RAVER2: variants seen among roughly 807,000 people sequenced by gnomAD.
The protein encoded by RAVER2 is ribonucleoprotein PTB-binding 2.
Under a neutral mutation model 78.1 loss-of-function variants are expected in RAVER2, and 46 were observed. The observed-to-expected ratio is 0.59, with a 90% CI of 0.46 to 0.75. The LOEUF (loss-of-function observed/expected upper bound fraction) is 0.75. RAVER2 is among the 30% of genes least tolerant of loss of function. RAVER2 has a pLI of 0.00. For synonymous variants in RAVER2, 311 were observed against 313.3 expected, an observed-to-expected ratio of 0.99 and a Z score of 0.08; for missense variants, 793 against 837.5, an observed-to-expected ratio of 0.95 and a Z score of 0.66.
At chr1:64,757,333 T>C (rs557174440) in intron 1 of RAVER2, among the ~76,000 whole-genome samples, 4 of 152,216 alleles carry the variant, frequency 2.6e-5, no homozygotes, top group African/African-American at 9.6e-5. Flanking sequence ...GTTACTATAT[T>C]TGGAGATGGG....
intron 5 of RAVER2, among the ~76,000 whole-genome samples, chr1:64,799,531 C>A (rs1435953061): frequency 6.6e-6 from 1 of 152,184 alleles, no homozygotes; most frequent in Non-Finnish European, 1.5e-5. Flanking sequence ...CAACCTCTGC[C>A]TCCTGAGTTC....
At chr1:64,748,147 A>G (rs932567734) in intron 1 of RAVER2, among the ~76,000 whole-genome samples, 2 of 151,966 alleles carry the variant, frequency 1.3e-5, no homozygotes, top group Non-Finnish European at 2.9e-5. Context: ...TACCGGCTCT[A>G]AAAAAAAGTG....
intron 11 of RAVER2, among the ~76,000 whole-genome samples, chr1:64,818,220 T>C (rs960249334): frequency 3.9e-5 from 6 of 152,162 alleles, no homozygotes; most frequent in African/African-American, 7.2e-5. Flanking sequence ...TATCATACTA[T>C]CTCCCTACAG....
chr1:64,796,038 T>C (rs1188720260), intron 5 of RAVER2, among the ~76,000 whole-genome samples: 1 of 152,070 alleles, frequency 6.6e-6, no homozygotes, highest in East Asian at 1.9e-4. Flanking sequence ...TCTCCATCTA[T>C]TGAGATGATC....
intron 11 of RAVER2, among the ~76,000 whole-genome samples, chr1:64,824,304 G>A (rs1408520522): frequency 6.6e-6 from 1 of 152,144 alleles, no homozygotes; most frequent in Admixed American, 6.5e-5. Context: ...GAAGAGGAAA[G>A]AAAAATGAAC....
chr1:64,787,376 T>C (rs1335865490), intron 4 of RAVER2, among the ~76,000 whole-genome samples: 1 of 152,168 alleles, frequency 6.6e-6, no homozygotes, highest in Non-Finnish European at 1.5e-5. Context: ...AGCCTGGTCT[T>C]AGCTAGGGTT....
intron 11 of RAVER2, among the ~76,000 whole-genome samples, chr1:64,825,089 T>TG (rs1653977826): frequency 6.6e-6 from 1 of 152,188 alleles, no homozygotes; most frequent in South Asian, 2.1e-4. Context: ...ACATTTGTTA[T>TG]GTATATATAT....
At chr1:64,782,847 A>G (rs1208773634) in intron 4 of RAVER2, among the ~76,000 whole-genome samples, 3 of 152,124 alleles carry the variant, frequency 2.0e-5, no homozygotes, top group African/African-American at 7.2e-5. Flanking sequence ...TCGTCATTAC[A>G]CTGGGCATTT....
Position 64,768,819 on chromosome 1 carries a change from C to G in RAVER2, c.316+97C>G, listed in dbSNP as rs562122211. On this transcript the variant is annotated intron_variant, in intron 2 of 11. Transcript: ENST00000294428. ...AGTGTCTTTTCATGCTTAAGCTAAT[C>G]ATGGAATTTTTAAGCCTTAAATCAT... 2.1e-5 allele frequency: 16 copies of G among 765,178 alleles called. No homozygotes were observed. In the South Asian group the frequency reaches 2.8e-4, roughly 13 times the overall value. The allele number at this position is 765,178 out of a possible 1,614,324, so 47.4% of individuals were successfully genotyped here.
chr1:64,745,363 A>T lies in RAVER2; in HGVS notation c.191A>T (p.Glu64Val), dbSNP rs745385083. ...GCGCGACTGCAGCGGATGCAGCGGGAGCTGAGCAACCGCAGGAAAATCCTG... is the reference window on the plus strand; with the variant it reads ...GCGCGACTGCAGCGGATGCAGCGGGTGCTGAGCAACCGCAGGAAAATCCTG... The change falls in exon 1 of 12, where the codon GAG becomes GTG. Residue 64 changes from glutamate (E) to valine (V), a missense_variant. Physicochemically the swap from Glu to Val is moderately radical, Grantham distance 121. Transcript: ENST00000294428. This position sits in a 1 kb window ranked among gnomAD's most constrained non-coding sequence, Gnocchi z 4.3. The T allele has an allele frequency of 6.5e-7, 1 of 1,543,280 alleles. No individual in the cohort carries two copies. Among genetic ancestry groups the T allele is most frequent in the Non-Finnish European group, 8.7e-7 (1 of 1,143,646 alleles).
chr1:64,748,569 TTCTG>T (rs779009974), intron 1 of RAVER2, among the ~76,000 whole-genome samples: 6 of 152,360 alleles, frequency 3.9e-5, no homozygotes, highest in East Asian at 3.9e-4. Context: ...AAGTTTTGTG[TTCTG>T]TCTGAGAATT....
chr1:64,785,434 A>G (rs2100843788), intron 4 of RAVER2, among the ~76,000 whole-genome samples: 1 of 145,908 alleles, frequency 6.9e-6, no homozygotes, highest in African/African-American at 2.6e-5. Context: ...CAGTGGCACG[A>G]TCTTGGCTCA....
At chr1:64,804,308 G>GT (rs781289854) in intron 6 of RAVER2, among the ~76,000 whole-genome samples, 19 of 151,952 alleles carry the variant, frequency 1.3e-4, no homozygotes, top group African/African-American at 2.7e-4. Flanking sequence ...GTAATCCTGT[G>GT]TTTTTTTTAT....
At chr1:64,790,998 A>G (rs1652923941) in intron 5 of RAVER2, among the ~76,000 whole-genome samples, 1 of 152,148 alleles carries the variant, frequency 6.6e-6, no homozygotes, top group Non-Finnish European at 1.5e-5. Context: ...ACTAACTACA[A>G]ATTTGGGAGT....
chr1:64,757,252 G>T (rs1299748034), intron 1 of RAVER2, among the ~76,000 whole-genome samples: 1 of 152,192 alleles, frequency 6.6e-6, no homozygotes, highest in Non-Finnish European at 1.5e-5. Context: ...GCCATTTCAT[G>T]AAGGTGCCTA....
At chr1:64,762,255 GAGA>G (rs1652042649) in intron 1 of RAVER2, among the ~76,000 whole-genome samples, 1 of 152,094 alleles carries the variant, frequency 6.6e-6, no homozygotes, top group African/African-American at 2.4e-5. Context: ...AAATATTTCA[GAGA>G]AGAATTTAAG....
At chr1:64,813,989 A>T (rs1294095153) in intron 10 of RAVER2, among the ~76,000 whole-genome samples, 1 of 151,878 alleles carries the variant, frequency 6.6e-6, no homozygotes, top group Non-Finnish European at 1.5e-5. Flanking sequence ...CTGTGGTGTG[A>T]TCTTGGCTAC....
intron 1 of RAVER2, among the ~76,000 whole-genome samples, chr1:64,759,214 A>G (rs1408036044): frequency 6.6e-6 from 1 of 150,656 alleles, no homozygotes; most frequent in African/African-American, 2.4e-5. Context: ...ATTTTTATTT[A>G]TTTTATTTTT....
At position 64,745,226 on chromosome 1, in the gene RAVER2, C is replaced by G. The variant is rs1651489189; in HGVS notation, c.54C>G (p.Ser18Arg). Residue 18 changes from serine to arginine, a missense_variant, in exon 1 of 12, where the codon AGC (serine) becomes AGG (arginine). Coordinates refer to ENST00000294428, the Ensembl canonical transcript of RAVER2. This position sits in a 1 kb window ranked among gnomAD's most constrained non-coding sequence, Gnocchi z 4.3. ...GCGAGGGGGGCGCGGGCCTGGGCAGCGCGGCGGGGCTGGGGCCGGGGCCGG... is the reference window on the plus strand; with the variant it reads ...GCGAGGGGGGCGCGGGCCTGGGCAGGGCGGCGGGGCTGGGGCCGGGGCCGG... 16 of 1,093,380 alleles carry G rather than the reference C, an allele frequency of 1.5e-5. No individual in the cohort carries two copies. The highest frequency in any genetic ancestry group is 1.8e-5 in the Non-Finnish European group (16 of 898,844). The allele number at this position is 1,093,380 out of a possible 1,614,324, so 67.7% of individuals were successfully genotyped here. A position where few individuals can be genotyped will look rare whatever the true frequency, so the allele number is the denominator to read the frequency against.
Sources: gnomAD v4.1 joint callset for allele counts (sites outside exome capture counted in the v4.1 genomes callset) on GRCh38, gnomAD v4.1.1 for gene constraint, Gnocchi (gnomAD v3.1) non-coding constraint, MANE v1.5 for transcripts, NCBI Gene and HGNC (gene_info 2026-07-23, HGNC 2026-07-21) for gene names.